MPRIP: variants seen among roughly 807,000 people sequenced by gnomAD.
MPRIP encodes the protein myosin phosphatase Rho-interacting protein.
A neutral mutation model predicts 234.9 loss-of-function variants in MPRIP; 59 were observed. The observed-to-expected ratio is 0.25, with a 90% confidence interval of 0.20 to 0.31. The LOEUF is 0.31. Among genes scored for constraint, MPRIP ranks in the 10% least tolerant of loss-of-function variants. The probability of loss-of-function intolerance (pLI) is 1.00; values close to 1 mark genes in which losing one functional copy is unlikely to be tolerated. For synonymous variants in MPRIP, 1,144 were observed against 1,263.9 expected (o/e 0.91, Z 2.01); for missense variants, 2,436 against 3,071.0 (o/e 0.79, Z 4.89).
chr17:17,132,022 G>C (rs562638158), intron 5 of MPRIP, among the ~76,000 whole-genome samples: 1 of 152,350 alleles, frequency 6.6e-6, no homozygotes, highest in African/African-American at 2.4e-5. Context: ...GCAGCCTGCA[G>C]CCACAGTCAA....
chr17:17,135,021 G>A (rs1300433428), intron 5 of MPRIP, among the ~76,000 whole-genome samples: 1 of 152,270 alleles, frequency 6.6e-6, no homozygotes, highest in African/African-American at 2.4e-5. Context: ...GGAGTGGGAA[G>A]TGGGCACTTG....
chr17:17,152,372 G>A (rs1003593475), intron 12 of MPRIP, among the ~76,000 whole-genome samples: 4 of 152,212 alleles, frequency 2.6e-5, no homozygotes, highest in Admixed American at 6.5e-5. Flanking sequence ...AACTCACCCC[G>A]CTCTCCTAGT....
rs1402236241 is a variant in MPRIP at position 17,189,477 on chromosome 17, C to G, written c.*4583C>G. 6.6e-6 allele frequency: 1 copy of G among 150,568 alleles called. No individual in the cohort carries two copies. The highest frequency in any genetic ancestry group is 2.4e-5 in the African/African-American group (1 of 41,128). 9.3% of individuals were successfully genotyped at this position (150,568 alleles called of 1,614,324 possible). A position where few individuals can be genotyped will look rare whatever the true frequency, so the allele number is the denominator to read the frequency against. On this transcript the variant is annotated 3_prime_UTR_variant, in exon 24 of 24. Coordinates refer to ENST00000651222, the MANE Select transcript of MPRIP (RefSeq NM_001364716.4). ...GTGCTGGGATTACAGGCGTGAGCCA[C>G]CACGCCTGGCCTATAAGATACGGTA...
Position 17,077,764 on chromosome 17 carries a change from A to G in MPRIP, c.202-247A>G, listed in dbSNP as rs926472147. The G allele has an allele frequency of 2.6e-5, 12 of 461,610 alleles. 1 individual carries two copies. Among genetic ancestry groups the G allele is most frequent in the Non-Finnish European group, 4.3e-5 (11 of 254,008 alleles). 28.6% of individuals were successfully genotyped at this position (461,610 alleles called of 1,614,324 possible). A position where few individuals can be genotyped will look rare whatever the true frequency, so the allele number is the denominator to read the frequency against. ...AGCTTCCAAGTGTTAAAAAAAAAAAAAAAAAAAGACTTCTTATTAAGCCTC... is the reference window on the plus strand; with the variant it reads ...AGCTTCCAAGTGTTAAAAAAAAAAAGAAAAAAAGACTTCTTATTAAGCCTC... On this transcript the variant is annotated intron_variant, in intron 2 of 23. Transcript: ENST00000651222.
intron 3 of MPRIP, among the ~76,000 whole-genome samples, chr17:17,079,604 C>T (rs1368040219): frequency 6.6e-6 from 1 of 152,170 alleles, no homozygotes; most frequent in Non-Finnish European, 1.5e-5. Context: ...CTGCAATTGA[C>T]TTAACAGTAT....
chr17:17,092,338 G>A (rs1437036681), intron 3 of MPRIP, among the ~76,000 whole-genome samples: 1 of 152,214 alleles, frequency 6.6e-6, no homozygotes, highest in African/African-American at 2.4e-5. Flanking sequence ...GGGAGTGGCT[G>A]TGAATATATG....
Position 17,174,016 on chromosome 17 carries a change from G to A in MPRIP, c.6691G>A (p.Glu2231Lys), listed in dbSNP as rs775675155. 8.0e-5 allele frequency: 129 copies of A among 1,613,494 alleles called. No individual in the cohort carries two copies. The highest frequency in any genetic ancestry group is 1.1e-4 in the Non-Finnish European group (126 of 1,180,048). Residue 2231 changes from glutamate to lysine, a missense_variant, in exon 19 of 24, where the codon GAG becomes AAG. By Grantham distance (56) the Glu-to-Lys change is moderately conservative. This residue lies in a region of MPRIP where 1,998 missense variants were observed against 2,520.3 expected (regional missense o/e 0.79). Coordinates refer to ENST00000651222, the MANE Select transcript of MPRIP (RefSeq NM_001364716.4). ...CCATCTGGCCCAGGCGCTGGAGGCC[G>A]AGCGGCAGGCCCTGCGGCAGTGCCA... The part of the protein sequence containing the change: ...NAHLAQALEA[E>K]RQALRQCQRE...
At chr17:17,102,623 G>A (rs1206152311) in intron 3 of MPRIP, among the ~76,000 whole-genome samples, 6 of 152,128 alleles carry the variant, frequency 3.9e-5, no homozygotes, top group Admixed American at 3.9e-4. Context: ...AGATGGCCAT[G>A]TCTCATGTCC....
intron 3 of MPRIP, 27 bp from the exon 4 acceptor site, chr17:17,126,675 G>T: frequency 6.3e-7 from 1 of 1,598,240 alleles, no homozygotes; most frequent in Non-Finnish European, 8.5e-7. Flanking sequence ...GCTGGCCTCT[G>T]GGTGACTCTC....
In MPRIP at chr17:17,043,034, G is replaced by C. The variant is rs550507737; in HGVS notation, c.123+63G>C. ...GGAGCCGCGGGTCGGCGGCCGGGGC[G>C]CCGCCAAGGGCTGCAGGGAAAATAA... On this transcript the variant is annotated intron_variant, in intron 1 of 23. Transcript: ENST00000651222. 45 of 1,486,052 alleles carry C rather than the reference G, an allele frequency of 3.0e-5. 1 individual carries two copies. The East Asian group carries it at 9.9e-4, about 33-fold the overall frequency. 92.1% of individuals were successfully genotyped at this position (1,486,052 alleles called of 1,614,324 possible). A position where few individuals can be genotyped will look rare whatever the true frequency, so the allele number is the denominator to read the frequency against.
chr17:17,066,345 A>T (rs1055375744), intron 1 of MPRIP, among the ~76,000 whole-genome samples: 1 of 152,182 alleles, frequency 6.6e-6, no homozygotes, highest in African/African-American at 2.4e-5. Context: ...AAAAATAATT[A>T]TGAATGGATG....
At chr17:17,052,178 A>T (rs1046417189) in intron 1 of MPRIP, among the ~76,000 whole-genome samples, 1 of 152,102 alleles carries the variant, frequency 6.6e-6, no homozygotes, top group African/African-American at 2.4e-5. Flanking sequence ...CAGCTCCATG[A>T]GGCTCCCGTG....
Position 17,192,355 on chromosome 17 carries a change from G to A in MPRIP, c.*7461G>A, listed in dbSNP as rs1245221782. The A allele has an allele frequency of 6.7e-6, 1 of 149,302 alleles. No homozygotes were observed. The highest frequency in any genetic ancestry group is 1.5e-5 in the Non-Finnish European group (1 of 67,644). 9.2% of individuals were successfully genotyped at this position (149,302 alleles called of 1,614,324 possible). ...TCGGGTCTAAGAAGTAGAGCCCCGG[G>A]GTAGGGTGGGCCATCCACTGTCAGG... On this transcript the variant is annotated 3_prime_UTR_variant, in exon 24 of 24. Coordinates refer to ENST00000651222, the MANE Select transcript of MPRIP (RefSeq NM_001364716.4).
At chr17:17,108,263 TTCTG>T (rs1206002650) in intron 3 of MPRIP, among the ~76,000 whole-genome samples, 3 of 152,346 alleles carry the variant, frequency 2.0e-5, no homozygotes, top group East Asian at 3.9e-4. Flanking sequence ...CTCCACACTC[TTCTG>T]TCTTTCTTTG....
At chr17:17,112,705 C>G (rs2144296328) in intron 3 of MPRIP, among the ~76,000 whole-genome samples, 1 of 152,364 alleles carries the variant, frequency 6.6e-6, no homozygotes, top group South Asian at 2.1e-4. Context: ...GGAGGACAGC[C>G]TCCTGAGGAC....
rs184779083 is a variant in MPRIP, at chr17:17,058,917, C to T, written c.123+15946C>T. Among the ~76,000 whole-genome samples, 428 of 152,098 alleles carry T rather than the reference C, an allele frequency of 2.8e-3. 14 individuals are homozygous for T. The highest frequency in any genetic ancestry group is 0.026 in the Admixed American group (404 of 15,282). On this transcript the variant is annotated intron_variant, in intron 1 of 23. Transcript: ENST00000651222. ...AGCAAAGGTGCAGAAGGGGTGGGGA[C>T]GTGCTAGGGGAGTGGGTGGCTAGGT...
chr17:17,184,571 C>T (rs1200613586), intron 23 of MPRIP, among the ~76,000 whole-genome samples: 1 of 152,252 alleles, frequency 6.6e-6, no homozygotes, highest in African/African-American at 2.4e-5. Flanking sequence ...CAGAATTTAG[C>T]TGCTTAAACA....
chr17:17,053,523 C>G (rs147369465), intron 1 of MPRIP, among the ~76,000 whole-genome samples: 37 of 152,318 alleles, frequency 2.4e-4, no homozygotes, highest in African/African-American at 8.7e-4. Context: ...GGACACGGAT[C>G]TTGCCCTTGG....
intron 3 of MPRIP, among the ~76,000 whole-genome samples, chr17:17,102,950 T>A (rs1346832565): frequency 6.6e-6 from 1 of 152,252 alleles, no homozygotes; most frequent in Non-Finnish European, 1.5e-5. Flanking sequence ...ACCACTTCTG[T>A]CTGGCATGGG....
Sources: allele counts gnomAD v4.1 joint callset (sites outside exome capture counted in the v4.1 genomes callset), GRCh38; gene constraint gnomAD v4.1.1; regional missense constraint gnomAD v4.1.1; transcripts MANE v1.5; gene names NCBI Gene and HGNC (gene_info 2026-07-23, HGNC 2026-07-21).